Variants in CELF2 observed in about 807,000 individuals in gnomAD.
CELF2 encodes CUGBP Elav-like family member 2, also known as CUG triplet repeat RNA-binding protein 2.
Under a neutral mutation model 62.6 loss-of-function variants are expected in CELF2, and 8 were observed. The observed-to-expected ratio is 0.13, with a 90% CI of 0.07 to 0.23. The LOEUF is 0.23. Among genes scored for constraint, CELF2 ranks in the 10% least tolerant of loss-of-function variants. CELF2 has a pLI of 1.00. For synonymous variants in CELF2, 258 were observed against 250.0 expected, an observed-to-expected ratio of 1.03 and a Z score of -0.30; for missense variants, 333 against 671.0, an observed-to-expected ratio of 0.50 and a Z score of 5.56.
At chr10:10,535,260 T>G in the CELF2 span, among the ~76,000 whole-genome samples, 1 of 152,270 alleles carries the variant, frequency 6.6e-6, no homozygotes, top group South Asian at 2.1e-4. Context: ...GGGAACAGGA[T>G]GAACACCTAC....
the CELF2 span, among the ~76,000 whole-genome samples, chr10:10,595,725 A>T: frequency 6.6e-6 from 1 of 152,118 alleles, no homozygotes; most frequent in African/African-American, 2.4e-5. Flanking sequence ...TGAAACCCCC[A>T]TCTCTACAAA....
intron 1 of CELF2, among the ~76,000 whole-genome samples, chr10:10,876,843 C>T (rs1024429015): frequency 1.3e-4 from 20 of 152,148 alleles, no homozygotes; most frequent in African/African-American, 3.1e-4. Context: ...AATGGAGCAA[C>T]GTTTGTGCAC....
the CELF2 span, among the ~76,000 whole-genome samples, chr10:10,609,138 C>T: frequency 1.3e-5 from 2 of 152,162 alleles, no homozygotes; most frequent in East Asian, 1.9e-4. Flanking sequence ...GTCTAGTGTA[C>T]TGTGTCATGC....
chr10:11,258,837 C>T lies in CELF2; in HGVS notation c.538+965C>T, dbSNP rs183670059. Among the ~76,000 whole-genome samples, 14 of 152,348 alleles carry T rather than the reference C, an allele frequency of 9.2e-5. No individual in the cohort carries two copies. The East Asian group carries it at 2.3e-3, about 25-fold the overall frequency. ...GAGGAGCTGGGACGACAGGTGCACGCTACCACGCCTGGCCAACTTTTGTAT... is the reference window on the plus strand; with the variant it reads ...GAGGAGCTGGGACGACAGGTGCACGTTACCACGCCTGGCCAACTTTTGTAT... On this transcript the variant is annotated intron_variant, in intron 5 of 12. Coordinates refer to ENST00000633077, the MANE Select transcript of CELF2 (RefSeq NM_001326342.2).
chr10:10,544,274 T>A, the CELF2 span, among the ~76,000 whole-genome samples: 1 of 152,162 alleles, frequency 6.6e-6, no homozygotes, highest in African/African-American at 2.4e-5. Context: ...GGACTTTATC[T>A]TACTCCTCCT....
rs1969765 is a variant in CELF2 at position 10,931,912 on chromosome 10, T to C, written c.89+11913T>C. Among the ~76,000 whole-genome samples, 143,491 of 152,218 alleles carry C rather than the reference T, an allele frequency of 0.94. 67,727 individuals carry two copies. The highest frequency in any genetic ancestry group is 1 in the East Asian group (5,164 of 5,166). ...TCAAAGTCATGTCTTACATGGTGGC[T>C]GGCAAGAGAACTTGTGCAGGGGAAC... On this transcript the variant is annotated intron_variant, in intron 2 of 13. Coordinates refer to the CELF2 transcript ENST00000636488. The surrounding 1 kb of genome is among the most constrained non-coding windows in gnomAD (Gnocchi z 6.1).
chr10:10,574,872 GTTTTTTTTTTTTT>G, the CELF2 span, among the ~76,000 whole-genome samples: 31,405 of 106,408 alleles, frequency 0.3, 3,835 homozygotes, highest in East Asian at 0.43. Context: ...ACCATGCCTG[GTTTTTTTTTTTTT>G]TTTTTTTTTT....
the CELF2 span, among the ~76,000 whole-genome samples, chr10:10,747,374 G>A: frequency 6.6e-6 from 1 of 152,172 alleles, no homozygotes; most frequent in Non-Finnish European, 1.5e-5. Flanking sequence ...TTTCAGTCTA[G>A]TGAAAGAGAC....
the CELF2 span, among the ~76,000 whole-genome samples, chr10:10,728,099 C>A: frequency 6.6e-6 from 1 of 150,896 alleles, no homozygotes; most frequent in African/African-American, 2.4e-5. Flanking sequence ...TGAGCTGGAT[C>A]TTGAAAAATG....
intron 8 of CELF2, among the ~76,000 whole-genome samples, chr10:11,281,950 C>T (rs1323160977): frequency 1.3e-5 from 2 of 152,096 alleles, no homozygotes; most frequent in East Asian, 1.9e-4. Flanking sequence ...GGGCAGGGAG[C>T]GGCACTTCAT....
the CELF2 span, among the ~76,000 whole-genome samples, chr10:10,469,590 G>A: frequency 6.6e-6 from 1 of 151,870 alleles, no homozygotes; most frequent in African/African-American, 2.4e-5. Flanking sequence ...TTTCATGAAA[G>A]ATACCAGTTG....
rs1245220864 is a variant in CELF2 at position 11,178,355 on chromosome 10, AT to A, written c.271+12675del. Among the ~76,000 whole-genome samples, 1 of 152,210 alleles carries A rather than the reference AT, an allele frequency of 6.6e-6. No homozygotes were observed. The highest frequency in any genetic ancestry group is 1.5e-5 in the Non-Finnish European group (1 of 68,038). On this transcript the variant is annotated intron_variant, in intron 2 of 12. Transcript: ENST00000633077. This position sits in a 1 kb window ranked among gnomAD's most constrained non-coding sequence, Gnocchi z 4.3. Reference sequence around the variant, plus strand: ...GTTCTGCAAGTCCAGCACAGGGTGTATTCAGCTCTAGAGGTGGCAAACACGG... The same window carrying A: ...GTTCTGCAAGTCCAGCACAGGGTGTATCAGCTCTAGAGGTGGCAAACACGG...
At chr10:10,559,405 C>T in the CELF2 span, among the ~76,000 whole-genome samples, 8 of 152,184 alleles carry the variant, frequency 5.3e-5, no homozygotes, top group Non-Finnish European at 8.8e-5. Flanking sequence ...TTAAACATCC[C>T]ACAGAATGTT....
chr10:10,548,166 G>A, the CELF2 span, among the ~76,000 whole-genome samples: 4 of 152,144 alleles, frequency 2.6e-5, no homozygotes, highest in African/African-American at 9.7e-5. Flanking sequence ...AATCTTTCTG[G>A]GTCCCAGTTC....
intron 1 of CELF2, among the ~76,000 whole-genome samples, chr10:11,163,799 G>A (rs565483013): frequency 6.6e-6 from 1 of 152,182 alleles, no homozygotes; most frequent in African/African-American, 2.4e-5. Context: ...TTCCTCTCTA[G>A]GTTGAATCTC....
the CELF2 span, among the ~76,000 whole-genome samples, chr10:10,612,197 T>G: frequency 2.4e-4 from 36 of 152,074 alleles, no homozygotes; most frequent in African/African-American, 8.2e-4. Context: ...AAAATCTCAT[T>G]GAGGAAAAAA....
At chr10:10,637,773 G>GA in the CELF2 span, among the ~76,000 whole-genome samples, 1 of 152,116 alleles carries the variant, frequency 6.6e-6, no homozygotes, top group Non-Finnish European at 1.5e-5. Context: ...AAGTTAACAT[G>GA]AATCAAGCAT....
chr10:10,646,049 C>T, the CELF2 span, among the ~76,000 whole-genome samples: 95 of 152,276 alleles, frequency 6.2e-4, no homozygotes, highest in Middle Eastern at 3.4e-3. Context: ...GAGAACTTGA[C>T]GTCTCATTCT....
At chr10:10,748,315 C>T in the CELF2 span, among the ~76,000 whole-genome samples, 7 of 152,094 alleles carry the variant, frequency 4.6e-5, no homozygotes, top group African/African-American at 9.7e-5. Context: ...ACGGTCTATG[C>T]GTGGAACAAA....
Sources: gnomAD v4.1 joint callset for allele counts (sites outside exome capture counted in the v4.1 genomes callset) on GRCh38, gnomAD v4.1.1 for gene constraint, Gnocchi (gnomAD v3.1) non-coding constraint, MANE v1.5 for transcripts, NCBI Gene and HGNC (gene_info 2026-07-23, HGNC 2026-07-21) for gene names.